The following ITK variants were observed in gnomAD, a reference collection of about 807,000 sequenced individuals.
The protein encoded by ITK is tyrosine-protein kinase ITK/TSK.
A neutral mutation model predicts 87.6 loss-of-function variants in ITK; 45 were observed. That is an observed-to-expected ratio of 0.51 (90% CI 0.40 to 0.66). The LOEUF (loss-of-function observed/expected upper bound fraction) is 0.66, where lower values mean the gene tolerates loss of function less well. ITK is among the 30% of genes least tolerant of loss of function. ITK has a pLI of 0.00. For synonymous variants in ITK, 303 were observed against 273.6 expected (o/e 1.11, Z -1.06); for missense variants, 605 against 766.3 (o/e 0.79, Z 2.48).
chr5:157,230,243 T>C (rs940049113), intron 7 of ITK, among the ~76,000 whole-genome samples: 1 of 152,122 alleles, frequency 6.6e-6, no homozygotes, highest in East Asian at 1.9e-4. Context: ...GTAAAGCAAA[T>C]GTATAAAATA....
chr5:157,204,820 G>A (rs568838709), intron 1 of ITK, among the ~76,000 whole-genome samples: 1 of 152,286 alleles, frequency 6.6e-6, no homozygotes, highest in East Asian at 1.9e-4. Context: ...TTTCAATAAT[G>A]GATAAAGTTG....
At position 157,252,907 on chromosome 5, in the gene ITK, G is replaced by A; in HGVS notation, c.*229G>A. The A allele has an allele frequency of 1.7e-6, 1 of 582,000 alleles. No homozygotes were observed. The highest frequency in any genetic ancestry group is 3.1e-6 in the Non-Finnish European group (1 of 321,928). The allele number at this position is 582,000 out of a possible 1,614,324, so 36.1% of individuals were successfully genotyped here. A position where few individuals can be genotyped will look rare whatever the true frequency, so the allele number is the denominator to read the frequency against. Reference sequence around the variant, plus strand: ...CTGGGAGCTGAGCCAGAACAGGAGTGATGTCTCTGCCCTTCCTCTAGCCTC... The same window carrying A: ...CTGGGAGCTGAGCCAGAACAGGAGTAATGTCTCTGCCCTTCCTCTAGCCTC... On this transcript the variant is annotated 3_prime_UTR_variant, in exon 17 of 17. Transcript: ENST00000422843.
chr5:157,221,190 G>A (rs924871029), intron 5 of ITK, among the ~76,000 whole-genome samples: 1 of 151,876 alleles, frequency 6.6e-6, no homozygotes, highest in African/African-American at 2.4e-5. Flanking sequence ...TCTTGCACTG[G>A]CAGGTAGGAT....
At chr5:157,226,066 G>T (rs966079181) in intron 6 of ITK, among the ~76,000 whole-genome samples, 2 of 152,222 alleles carry the variant, frequency 1.3e-5, no homozygotes, top group African/African-American at 2.4e-5. Context: ...AAGCACACAA[G>T]ATGGGGAGAC....
At chr5:157,191,092 G>A (rs894861309) in intron 1 of ITK, among the ~76,000 whole-genome samples, 1 of 152,066 alleles carries the variant, frequency 6.6e-6, no homozygotes, top group Non-Finnish European at 1.5e-5. Flanking sequence ...CCCATCCTAC[G>A]AGTTGTTCTT....
intron 1 of ITK, among the ~76,000 whole-genome samples, chr5:157,190,915 T>C (rs966910472): frequency 6.6e-6 from 1 of 152,134 alleles, no homozygotes; most frequent in Non-Finnish European, 1.5e-5. Flanking sequence ...TGGATTTGAT[T>C]CCAACTCCCA....
chr5:157,223,895 A>T lies in ITK; in HGVS notation c.647+881A>T, dbSNP rs187815290. Among the ~76,000 whole-genome samples the T allele has an allele frequency of 9.8e-4, 149 of 152,382 alleles. 2 individuals carry two copies. Among genetic ancestry groups the T allele is most frequent in the African/African-American group, 3.4e-3 (143 of 41,600 alleles). On this transcript the variant is annotated intron_variant, in intron 6 of 16. Transcript: ENST00000422843. ...AGAAAACTGTCCTTGCAACATATAG[A>T]TCATTTATGTCAACATTTTACTTAA...
intron 1 of ITK, among the ~76,000 whole-genome samples, chr5:157,189,782 A>G (rs1365827840): frequency 6.6e-6 from 1 of 152,262 alleles, no homozygotes; most frequent in Admixed American, 6.5e-5. Context: ...CGTGTCTACA[A>G]AAAACTATTT....
At chr5:157,239,419 A>G (rs1754842308) in intron 9 of ITK, among the ~76,000 whole-genome samples, 1 of 152,208 alleles carries the variant, frequency 6.6e-6, no homozygotes, top group Non-Finnish European at 1.5e-5. Flanking sequence ...TCAGTACCCA[A>G]GGCTTTTATT....
At chr5:157,182,154 C>T (rs779333947) in intron 1 of ITK, among the ~76,000 whole-genome samples, 1 of 152,166 alleles carries the variant, frequency 6.6e-6, no homozygotes, top group African/African-American at 2.4e-5. Context: ...ATTATTTTTA[C>T]ATCATTAGTG....
rs1413869668 is a variant in ITK, at chr5:157,244,309, A to T, written c.1280A>T (p.Glu427Val). The change falls in exon 13 of 17, where the codon GAG becomes GTG. Residue 427 changes from glutamate (E) to valine (V), a missense_variant. Transcript: ENST00000422843. ...KLVQLYGVCL[E>V]QAPICLVFEF... is the part of the protein sequence containing the mutation. ...GTGCAGCTGTATGGGGTGTGCCTGGAGCAGGCCCCCATCTGCCTGGTGTTT... is the reference window on the plus strand; with the variant it reads ...GTGCAGCTGTATGGGGTGTGCCTGGTGCAGGCCCCCATCTGCCTGGTGTTT... 6.2e-7 allele frequency: 1 copy of T among 1,613,998 alleles called. No individual in the cohort carries two copies. Among genetic ancestry groups the T allele is most frequent in the East Asian group, 2.2e-5 (1 of 44,890 alleles).
intron 8 of ITK, among the ~76,000 whole-genome samples, chr5:157,236,964 A>G (rs935548729): frequency 1.3e-5 from 2 of 152,240 alleles, no homozygotes; most frequent in African/African-American, 4.8e-5. Flanking sequence ...CACTGTTGGT[A>G]GGAATGTTCA....
At position 157,240,188 on chromosome 5, in the gene ITK, T is replaced by C. The variant is rs767955456; in HGVS notation, c.978T>C (p.Asn326=). 6 of 1,614,070 alleles carry C rather than the reference T, an allele frequency of 3.7e-6. No individual in the cohort carries two copies. The Admixed American group carries it at 6.7e-5, about 18-fold the overall frequency. Residue 326 remains asparagine (N), a synonymous_variant, in exon 10 of 17, where the codon AAT becomes AAC. Coordinates refer to ENST00000422843, the MANE Select transcript of ITK (RefSeq NM_005546.4). The part of the protein sequence containing the change: ...IPLLINYHQH[N]GGGLVTRLRY... ...TTCTCATCAACTATCACCAACATAA[T>C]GGAGGAGGTAAGCTCTAGAGCAGGG... is the stretch of plus-strand genomic sequence containing the variant.
chr5:157,218,208 C>T (rs1447478201), intron 5 of ITK, among the ~76,000 whole-genome samples: 1 of 152,120 alleles, frequency 6.6e-6, no homozygotes, highest in African/African-American at 2.4e-5. Context: ...TAGCAGCTCA[C>T]TCTACATAAA....
intron 1 of ITK, among the ~76,000 whole-genome samples, chr5:157,196,974 G>C (rs1490442974): frequency 1.3e-5 from 2 of 152,118 alleles, no homozygotes; most frequent in African/African-American, 4.8e-5. Flanking sequence ...ATATCACTTA[G>C]TTCTTGCTCC....
At chr5:157,199,054 T>C (rs1322146490) in intron 1 of ITK, among the ~76,000 whole-genome samples, 1 of 152,232 alleles carries the variant, frequency 6.6e-6, no homozygotes, top group Admixed American at 6.5e-5. Flanking sequence ...CATGAGCCAT[T>C]GCTACTAGCA....
intron 1 of ITK, among the ~76,000 whole-genome samples, chr5:157,202,620 G>C (rs189636666): frequency 6.6e-6 from 1 of 152,100 alleles, no homozygotes; most frequent in South Asian, 2.1e-4. Flanking sequence ...GCGTCTTTAT[G>C]GTAGAATAGT....
At chr5:157,243,906 C>A in intron 12 of ITK, 112 bp downstream of exon 12, 1 of 975,902 alleles carries the variant, frequency 1.0e-6, no homozygotes, top group African/African-American at 1.6e-5. Flanking sequence ...AAACTCCCAG[C>A]AGTGGCTTCC....
At chr5:157,189,636 G>A (rs957491037) in intron 1 of ITK, among the ~76,000 whole-genome samples, 16 of 152,062 alleles carry the variant, frequency 1.1e-4, no homozygotes, top group African/African-American at 3.9e-4. Flanking sequence ...GGCTGAGATC[G>A]CACCACTGCA....
Sources: allele counts gnomAD v4.1 joint callset (sites outside exome capture counted in the v4.1 genomes callset), GRCh38; gene constraint gnomAD v4.1.1; transcripts MANE v1.5; gene names NCBI Gene and HGNC (gene_info 2026-07-23, HGNC 2026-07-21).